The following DPP10 variants were observed in gnomAD, a reference collection of about 807,000 sequenced individuals.
DPP10 encodes the protein dipeptidyl peptidase like 10, also known as inactive dipeptidyl peptidase 10.
A neutral mutation model predicts 120.9 loss-of-function variants in DPP10; 33 were observed. The ratio of observed to expected loss-of-function variants is 0.27; its 90% CI spans 0.21 to 0.37. The LOEUF is 0.37. DPP10 is among the 10% of genes least tolerant of loss of function. DPP10 has a pLI of 1.00. For synonymous variants in DPP10, 337 were observed against 326.1 expected (o/e 1.03, Z -0.36); for missense variants, 816 against 942.8 (o/e 0.87, Z 1.76).
chr2:115,592,269 T>C (rs1329039098), intron 5 of DPP10, among the ~76,000 whole-genome samples: 1 of 152,144 alleles, frequency 6.6e-6, no homozygotes, highest in Non-Finnish European at 1.5e-5. Flanking sequence ...CAGGTTTTAG[T>C]TGTAAGGCAG....
At chr2:115,322,038 C>T (rs2062089431) in intron 2 of DPP10, among the ~76,000 whole-genome samples, 1 of 152,102 alleles carries the variant, frequency 6.6e-6, no homozygotes. Context: ...AATGTCTGTG[C>T]CTCCCCAGCA....
intron 1 of DPP10, among the ~76,000 whole-genome samples, chr2:114,960,365 C>CATAT (rs1558925348): frequency 6.8e-3 from 84 of 12,322 alleles, no homozygotes; most frequent in Admixed American, 0.041. Context: ...AGTGTATGTG[C>CATAT]GTATATATAT....
At chr2:115,833,151 TAAAAC>T (rs1351857539) in intron 21 of DPP10, among the ~76,000 whole-genome samples, 4 of 152,150 alleles carry the variant, frequency 2.6e-5, no homozygotes, top group South Asian at 2.1e-4. Context: ...ATAAATAAAA[TAAAAC>T]AAACCAACAA....
chr2:115,294,340 A>G (rs1377319349), intron 1 of DPP10, among the ~76,000 whole-genome samples: 2 of 152,154 alleles, frequency 1.3e-5, no homozygotes, highest in Non-Finnish European at 2.9e-5. Context: ...ATTCTAATGC[A>G]TATCAGGCTT....
At chr2:114,615,979 A>G (rs1348865080) in intron 1 of DPP10, among the ~76,000 whole-genome samples, 4 of 152,124 alleles carry the variant, frequency 2.6e-5, no homozygotes, top group African/African-American at 9.7e-5. Flanking sequence ...GATGAGCCCA[A>G]CTATCTATTT....
At chr2:114,978,920 A>G (rs1699917953) in intron 1 of DPP10, among the ~76,000 whole-genome samples, 1 of 152,104 alleles carries the variant, frequency 6.6e-6, no homozygotes, top group Admixed American at 6.5e-5. Context: ...CACTGTTGAC[A>G]TTTTCCATGC....
intron 5 of DPP10, among the ~76,000 whole-genome samples, chr2:115,593,409 GAGAAATCCACAC>G (rs1405388601): frequency 2.6e-5 from 4 of 152,162 alleles, no homozygotes; most frequent in African/African-American, 9.7e-5. Context: ...TGAACTTTCT[GAGAAATCCACAC>G]ATCAGCAGGG....
intron 19 of DPP10, among the ~76,000 whole-genome samples, chr2:115,802,413 T>G (rs1255487514): frequency 6.6e-6 from 1 of 152,184 alleles, no homozygotes; most frequent in Non-Finnish European, 1.5e-5. Flanking sequence ...TGAAGGGTTT[T>G]TTGTGTCTCT....
chr2:115,506,088 TTGA>T (rs2076925914), intron 4 of DPP10, among the ~76,000 whole-genome samples: 1 of 152,086 alleles, frequency 6.6e-6, no homozygotes. Flanking sequence ...GCTTTGGAAG[TTGA>T]TGATATAAAA....
At position 115,005,867 on chromosome 2, in the gene DPP10, C is replaced by T. The variant is rs537613356; in HGVS notation, c.61-303372C>T. ...ATTCAGATTCAGGAAATACAGAGAACGCCACAAAGATAATCCTCAAGAAGA... is the reference window on the plus strand; with the variant it reads ...ATTCAGATTCAGGAAATACAGAGAATGCCACAAAGATAATCCTCAAGAAGA... On this transcript the variant is annotated intron_variant, in intron 1 of 25. Transcript: ENST00000410059. Among the ~76,000 whole-genome samples the T allele has an allele frequency of 7.2e-5, 11 of 152,140 alleles. No homozygotes were observed. The East Asian group carries it at 7.7e-4, about 11-fold the overall frequency.
At chr2:114,483,278 A>G (rs1384508503) in intron 1 of DPP10, among the ~76,000 whole-genome samples, 2 of 151,994 alleles carry the variant, frequency 1.3e-5, no homozygotes. Flanking sequence ...GTGGAAGATC[A>G]AGGAGAGGTG....
intron 1 of DPP10, among the ~76,000 whole-genome samples, chr2:115,091,143 C>G (rs772478310): frequency 3.9e-5 from 6 of 152,152 alleles, no homozygotes; most frequent in Non-Finnish European, 5.9e-5. Flanking sequence ...CCAACCATCT[C>G]CCTGTGCTAA....
At chr2:114,550,220 C>T (rs893190349) in intron 1 of DPP10, among the ~76,000 whole-genome samples, 34 of 152,162 alleles carry the variant, frequency 2.2e-4, no homozygotes, top group South Asian at 4.1e-4. Context: ...ATTCCCACAC[C>T]ATTCTCAAGA....
rs143181564 is a variant in DPP10 at position 115,836,229 on chromosome 2, G to T, written c.2023G>T (p.Ala675Ser). ...GCTTTTTAAATGTGGATCCGTGGTT[G>T]CACCTATCACAGACTTGAAATTGTA... ...EKLFKCGSVVAPITDLKLYAS... is the reference protein window; with the variant it reads ...EKLFKCGSVVSPITDLKLYAS... The change falls in exon 22 of 26, where the codon GCA becomes TCA. Residue 675 changes from alanine (A) to serine (S), a missense_variant. Physicochemically the swap from Ala to Ser is moderately conservative, Grantham distance 99. Around this residue, in one of 3 missense-constraint regions of DPP10, gnomAD observed 592 missense variants for 649.0 expected, o/e 0.91. Coordinates refer to ENST00000410059, the MANE Select transcript of DPP10 (RefSeq NM_020868.6). 2 of 1,609,396 alleles carry T rather than the reference G, an allele frequency of 1.2e-6. No individual in the cohort carries two copies. Among genetic ancestry groups the T allele is most frequent in the Non-Finnish European group, 8.5e-7 (1 of 1,178,462 alleles).
intron 1 of DPP10, among the ~76,000 whole-genome samples, chr2:114,485,306 C>T (rs559796846): frequency 1.2e-4 from 18 of 152,154 alleles, no homozygotes; most frequent in African/African-American, 2.6e-4. Flanking sequence ...ACTGGCAGAG[C>T]GGTGGGTTTT....
chr2:114,704,245 G>T (rs1050162184), intron 1 of DPP10, among the ~76,000 whole-genome samples: 4 of 152,156 alleles, frequency 2.6e-5, no homozygotes, highest in African/African-American at 9.7e-5. Context: ...AGTGGTGTTG[G>T]TGATAGACAA....
At chr2:115,152,800 TAAG>T (rs1475950458) in intron 1 of DPP10, among the ~76,000 whole-genome samples, 8 of 152,162 alleles carry the variant, frequency 5.3e-5, no homozygotes, top group African/African-American at 1.7e-4. Context: ...ATAGACCTGC[TAAG>T]AACAACGAAA....
chr2:115,840,311 G>GTATTT (rs1575965088), intron 24 of DPP10, among the ~76,000 whole-genome samples: 1 of 33,240 alleles, frequency 3.0e-5, no homozygotes, highest in African/African-American at 9.0e-5. Flanking sequence ...CAGATATAAG[G>GTATTT]TTTTTTGGTT....
At chr2:115,323,625 T>G (rs1219127458) in intron 2 of DPP10, among the ~76,000 whole-genome samples, 1 of 152,184 alleles carries the variant, frequency 6.6e-6, no homozygotes, top group Non-Finnish European at 1.5e-5. Flanking sequence ...AATTCTTAAT[T>G]ACCAACATTG....
Sources: gnomAD v4.1 joint callset for allele counts (sites outside exome capture counted in the v4.1 genomes callset) on GRCh38, gnomAD v4.1.1 for gene constraint, gnomAD v4.1.1 regional missense constraint, MANE v1.5 for transcripts, NCBI Gene and HGNC (gene_info 2026-07-23, HGNC 2026-07-21) for gene names.